Variants in PLCH1 observed in about 807,000 individuals in gnomAD.
PLCH1 encodes the protein 1-phosphatidylinositol 4,5-bisphosphate phosphodiesterase eta-1.
In PLCH1, 60 loss-of-function variants were observed where a neutral mutation model predicts 126.7. That is an observed-to-expected ratio of 0.47 (90% CI 0.38 to 0.59). The LOEUF (loss-of-function observed/expected upper bound fraction) is 0.59, where lower values mean the gene tolerates loss of function less well. Ranked by LOEUF, PLCH1 falls within the 20% of genes least tolerant of loss-of-function variation. PLCH1 has a pLI of 0.00. For missense variants in PLCH1, 1,723 were observed against 2,040.0 expected (o/e 0.84, Z 2.99); for synonymous variants, 719 against 734.9 (o/e 0.98, Z 0.35).
intron 1 of PLCH1, among the ~76,000 whole-genome samples, chr3:155,738,477 C>T (rs572052277): frequency 6.6e-6 from 1 of 151,888 alleles, no homozygotes; most frequent in Non-Finnish European, 1.5e-5. Context: ...CCTGTCTCTA[C>T]AAAATTTCTT....
chr3:155,571,182 T>C (rs997852141), intron 6 of PLCH1, among the ~76,000 whole-genome samples: 11 of 152,202 alleles, frequency 7.2e-5, no homozygotes, highest in Non-Finnish European at 1.3e-4. Context: ...ATTATATTTC[T>C]TATGGCTATG....
At chr3:155,551,684 CAAAAA>C (rs35872401) in intron 9 of PLCH1, among the ~76,000 whole-genome samples, 3 of 87,010 alleles carry the variant, frequency 3.4e-5, no homozygotes, top group Non-Finnish European at 7.3e-5. Flanking sequence ...AGCTCTCTAC[CAAAAA>C]AAAAAAAAAA....
intron 21 of PLCH1, among the ~76,000 whole-genome samples, chr3:155,459,370 T>C (rs1712628399): frequency 6.6e-6 from 1 of 152,038 alleles, no homozygotes; most frequent in South Asian, 2.1e-4. Flanking sequence ...ACCAGGGAAG[T>C]AGAATTAAGG....
In PLCH1 at chr3:155,465,382, T is replaced by C. The variant is rs181615291; in HGVS notation, c.2938+19974A>G. Among the ~76,000 whole-genome samples the C allele has an allele frequency of 1.7e-3, 257 of 152,050 alleles. 2 individuals are homozygous for C. Among genetic ancestry groups the C allele is most frequent in the Non-Finnish European group, 3.5e-4 (24 of 67,984 alleles). ...ATGACATTCTAGACATACCCTGGGC[T>C]AGAGGGAACCTGCTGCCTTGAAGGA... On this transcript the variant is annotated intron_variant, in intron 21 of 21. Transcript: ENST00000494598.
intron 8 of PLCH1, among the ~76,000 whole-genome samples, chr3:155,555,437 T>C (rs966831569): frequency 2.6e-5 from 4 of 152,220 alleles, no homozygotes; most frequent in African/African-American, 9.6e-5. Flanking sequence ...GTGGTGAAGA[T>C]GGCACAGCCA....
rs548993362 is a variant in PLCH1 at position 155,497,151 on chromosome 3, T to C, written c.1894+169A>G. On this transcript the variant is annotated intron_variant, in intron 15 of 22. Transcript: ENST00000460012. ...CCACAGTAATCAGTAGAACCCTCCA[T>C]GTGAACTCAACACTATAGCAGCAGT... 3.9e-5 allele frequency among the ~76,000 whole-genome samples: 6 copies of C among 152,332 alleles called. No individual in the cohort carries two copies. In the East Asian group the frequency reaches 1.2e-3, roughly 29 times the overall value.
chr3:155,741,496 T>C (rs1180940678), intron 1 of PLCH1, among the ~76,000 whole-genome samples: 1 of 152,144 alleles, frequency 6.6e-6, no homozygotes, highest in Non-Finnish European at 1.5e-5. Flanking sequence ...ACCGTCTATG[T>C]CCTAGGAATG....
intron 2 of PLCH1, among the ~76,000 whole-genome samples, chr3:155,688,249 A>G (rs1745104430): frequency 6.6e-6 from 1 of 152,246 alleles, no homozygotes; most frequent in Non-Finnish European, 1.5e-5. Context: ...GCTTTCACAT[A>G]AAATTCCTTT....
At chr3:155,468,772 C>A (rs1713028508) in intron 21 of PLCH1, among the ~76,000 whole-genome samples, 1 of 151,982 alleles carries the variant, frequency 6.6e-6, no homozygotes, top group African/African-American at 2.4e-5. Flanking sequence ...ATATATAAAG[C>A]AAATGTTATT....
intron 2 of PLCH1, among the ~76,000 whole-genome samples, chr3:155,672,668 C>T (rs1426612367): frequency 6.6e-6 from 1 of 152,142 alleles, no homozygotes; most frequent in African/African-American, 2.4e-5. Flanking sequence ...CAAGAGGTCA[C>T]GACCTTACTA....
intron 2 of PLCH1, among the ~76,000 whole-genome samples, chr3:155,675,545 T>C (rs1744002620): frequency 6.6e-6 from 1 of 152,218 alleles, no homozygotes; most frequent in African/African-American, 2.4e-5. Context: ...TTTTAATTGA[T>C]ACAAATTGGG....
intron 21 of PLCH1, among the ~76,000 whole-genome samples, chr3:155,468,000 G>T (rs1014048899): frequency 6.6e-6 from 1 of 152,158 alleles, no homozygotes; most frequent in Non-Finnish European, 1.5e-5. Context: ...CTTATCCTAA[G>T]TGGAAAGACT....
At chr3:155,708,594 A>G (rs1746861684) in intron 1 of PLCH1, among the ~76,000 whole-genome samples, 1 of 152,242 alleles carries the variant, frequency 6.6e-6, no homozygotes, top group Non-Finnish European at 1.5e-5. Flanking sequence ...ACAACTACTG[A>G]AGTATACTAC....
intron 6 of PLCH1, among the ~76,000 whole-genome samples, chr3:155,577,026 A>T (rs1730054844): frequency 6.6e-6 from 1 of 152,176 alleles, no homozygotes; most frequent in Admixed American, 6.5e-5. Context: ...ATATTTTTTA[A>T]TCTTTACTAA....
intron 2 of PLCH1, among the ~76,000 whole-genome samples, chr3:155,642,224 T>A (rs1040123229): frequency 6.6e-6 from 1 of 152,142 alleles, no homozygotes; most frequent in African/African-American, 2.4e-5. Flanking sequence ...CTGTAAGTGG[T>A]GGAGTAAGAT....
intron 19 of PLCH1, among the ~76,000 whole-genome samples, chr3:155,490,321 T>C (rs1715986182): frequency 6.6e-6 from 1 of 152,158 alleles, no homozygotes; most frequent in Non-Finnish European, 1.5e-5. Flanking sequence ...CCTCCAATCG[T>C]ATGTAAATAT....
rs1292265345 is a variant in PLCH1 at position 155,649,175 on chromosome 3, G to C, written c.80-52797C>G. Among the ~76,000 whole-genome samples, 5 of 152,280 alleles carry C rather than the reference G, an allele frequency of 3.3e-5. No individual in the cohort carries two copies. The East Asian group carries it at 9.6e-4, about 29-fold the overall frequency. ...GAGTGACTGAGACCAGGGCAGTACT[G>C]AGATATGTAGGCTCATAATTTGGGC... On this transcript the variant is annotated intron_variant, in intron 2 of 22. Coordinates refer to ENST00000460012, the MANE Select transcript of PLCH1 (RefSeq NM_014996.4).
At chr3:155,692,632 C>T (rs1012958931) in intron 2 of PLCH1, among the ~76,000 whole-genome samples, 2 of 152,118 alleles carry the variant, frequency 1.3e-5, no homozygotes, top group African/African-American at 4.8e-5. Flanking sequence ...CTGTTGCCTG[C>T]TTCTTGGGAA....
intron 2 of PLCH1, among the ~76,000 whole-genome samples, chr3:155,670,766 A>G: frequency 6.6e-6 from 1 of 152,118 alleles, no homozygotes; most frequent in South Asian, 2.1e-4. Context: ...CCATGTTCTC[A>G]CCTTGCTCTT....
Sources: allele counts gnomAD v4.1 joint callset (sites outside exome capture counted in the v4.1 genomes callset), GRCh38; gene constraint gnomAD v4.1.1; transcripts MANE v1.5; gene names NCBI Gene and HGNC (gene_info 2026-07-23, HGNC 2026-07-21).